The following SIL1 variants were observed in gnomAD, a reference collection of about 807,000 sequenced individuals.
SIL1 encodes nucleotide exchange factor SIL1.
Under a neutral mutation model 49.1 loss-of-function variants are expected in SIL1, and 40 were observed. That is an observed-to-expected ratio of 0.81 (90% CI 0.63 to 1.06). SIL1 has a LOEUF of 1.06. SIL1 is among the 50% of genes least tolerant of loss of function. The pLI is 0.00. For missense variants in SIL1, 500 were observed against 572.6 expected, an observed-to-expected ratio of 0.87 and a Z score of 1.29; for synonymous variants, 253 against 250.8, an observed-to-expected ratio of 1.01 and a Z score of -0.08.
At chr5:139,106,069 C>T (rs1770703995) in intron 3 of SIL1, among the ~76,000 whole-genome samples, 1 of 152,180 alleles carries the variant, frequency 6.6e-6, no homozygotes, top group South Asian at 2.1e-4. Context: ...GTGCAGGATT[C>T]TCAGGACTCA....
Position 138,948,049 on chromosome 5 carries a change from G to T in SIL1, c.1030-576C>A, listed in dbSNP as rs1465503671. On this transcript the variant is annotated intron_variant, in intron 9 of 9. Transcript: ENST00000394817. This position sits in a 1 kb window ranked among gnomAD's most constrained non-coding sequence, Gnocchi z 4.8. ...GGTTACCTGAAGGTCAGAGGTAGAG[G>T]GTTGGGAGGGGGCAGAGATCTCCCG... Among the ~76,000 whole-genome samples the T allele has an allele frequency of 6.6e-6, 1 of 152,210 alleles. No homozygotes were observed. The highest frequency in any genetic ancestry group is 2.4e-5 in the African/African-American group (1 of 41,456).
At chr5:139,137,787 A>G (rs771325974) in intron 1 of SIL1, among the ~76,000 whole-genome samples, 15 of 149,262 alleles carry the variant, frequency 1.0e-4, no homozygotes, top group Non-Finnish European at 1.5e-4. Flanking sequence ...AAAACTGGCT[A>G]GCCATATGTA....
At chr5:139,040,498 C>CTTTTTTTTTTTTTTTTTTTTTT (rs11312366) in intron 5 of SIL1, among the ~76,000 whole-genome samples, 1 of 105,328 alleles carries the variant, frequency 9.5e-6, no homozygotes, top group African/African-American at 3.6e-5. Flanking sequence ...TTTCTTTTTT[C>CTTTTTTTTTTTTTTTTTTTTTT]TTTTTTTTTT....
chr5:139,032,314 A>C (rs1768811585), intron 5 of SIL1, among the ~76,000 whole-genome samples: 2 of 152,344 alleles, frequency 1.3e-5, no homozygotes, highest in South Asian at 4.1e-4. Flanking sequence ...GTATTAACTG[A>C]CATAAGATGA....
intron 1 of SIL1, among the ~76,000 whole-genome samples, chr5:139,183,235 G>A (rs1752023383): frequency 6.6e-6 from 1 of 152,164 alleles, no homozygotes; most frequent in South Asian, 2.1e-4. Flanking sequence ...GTTCTCCTCA[G>A]AAATTACAAA....
chr5:139,072,536 T>C (rs1014462167), intron 3 of SIL1, among the ~76,000 whole-genome samples: 1 of 152,178 alleles, frequency 6.6e-6, no homozygotes, highest in African/African-American at 2.4e-5. Flanking sequence ...GGTATATTTG[T>C]CATATACCAT....
intron 3 of SIL1, among the ~76,000 whole-genome samples, chr5:139,101,344 A>G (rs1770583514): frequency 6.6e-6 from 1 of 152,090 alleles, no homozygotes; most frequent in Non-Finnish European, 1.5e-5. Context: ...CCAAGCCCCA[A>G]TTAATCTCCT....
chr5:138,951,984 G>A, intron 7 of SIL1, 100 bp from the exon 8 acceptor site: 2 of 1,065,580 alleles, frequency 1.9e-6, no homozygotes, highest in Non-Finnish European at 2.9e-6. Flanking sequence ...GGAGAAACAA[G>A]AACAACAGAG....
At chr5:138,965,250 G>C (rs1315644883) in intron 7 of SIL1, among the ~76,000 whole-genome samples, 1 of 152,200 alleles carries the variant, frequency 6.6e-6, no homozygotes, top group East Asian at 1.9e-4. Context: ...CTCAAATCGG[G>C]TGTTAGAAAT....
At chr5:139,026,742 AG>A in intron 6 of SIL1, 58 bp downstream of exon 6, 1 of 1,468,762 alleles carries the variant, frequency 6.8e-7, no homozygotes, top group East Asian at 2.3e-5. Flanking sequence ...GGCTTAGGGA[AG>A]GGGGATTTAT....
At chr5:139,048,955 G>A (rs1769229369) in intron 4 of SIL1, among the ~76,000 whole-genome samples, 1 of 152,180 alleles carries the variant, frequency 6.6e-6, no homozygotes, top group African/African-American at 2.4e-5. Context: ...GTGACTGTAA[G>A]GAGAACAAAT....
chr5:138,948,546 G>A lies in SIL1; in HGVS notation c.1030-1073C>T, dbSNP rs758124553. On this transcript the variant is annotated intron_variant, in intron 9 of 9. Transcript: ENST00000394817. This position sits in a 1 kb window ranked among gnomAD's most constrained non-coding sequence, Gnocchi z 4.8. ...TGCAGGCTCTGCCCCCACTGTGCGC[G>A]GCCTGGACCCACTCACACCCACTCC... Among the ~76,000 whole-genome samples, 16 of 152,054 alleles carry A rather than the reference G, an allele frequency of 1.1e-4. No individual in the cohort carries two copies. The highest frequency in any genetic ancestry group is 1.9e-4 in the Non-Finnish European group (13 of 68,002).
chr5:139,092,184 C>A (rs1770357087), intron 3 of SIL1, among the ~76,000 whole-genome samples: 1 of 152,146 alleles, frequency 6.6e-6, no homozygotes, highest in African/African-American at 2.4e-5. Flanking sequence ...TTCAGATTTA[C>A]CCTAAAGAAT....
intron 7 of SIL1, among the ~76,000 whole-genome samples, chr5:139,001,310 T>C (rs1204230029): frequency 6.6e-6 from 1 of 152,188 alleles, no homozygotes; most frequent in African/African-American, 2.4e-5. Flanking sequence ...CATTATCTAG[T>C]GGTACTGAAA....
chr5:139,173,061 A>G (rs1751806908), intron 1 of SIL1, among the ~76,000 whole-genome samples: 1 of 152,218 alleles, frequency 6.6e-6, no homozygotes, highest in Admixed American at 6.5e-5. Flanking sequence ...TTATGTTTTT[A>G]GACACACAAC....
At chr5:139,125,598 T>C (rs755655370) in intron 2 of SIL1, among the ~76,000 whole-genome samples, 4 of 152,308 alleles carry the variant, frequency 2.6e-5, no homozygotes, top group African/African-American at 7.2e-5. Context: ...TTATTGGCCA[T>C]ATTGTGCCAG....
chr5:139,030,343 AG>A, intron 5 of SIL1, among the ~76,000 whole-genome samples: 1 of 151,920 alleles, frequency 6.6e-6, no homozygotes, highest in South Asian at 2.1e-4. Context: ...AAAAATGACC[AG>A]GCATGGTGAC....
intron 7 of SIL1, among the ~76,000 whole-genome samples, chr5:138,993,931 G>A (rs1767809470): frequency 6.6e-6 from 1 of 152,160 alleles, no homozygotes; most frequent in South Asian, 2.1e-4. Context: ...AAGCCACTAA[G>A]TTTGTGAGAA....
intron 7 of SIL1, among the ~76,000 whole-genome samples, chr5:138,988,174 C>A (rs556988128): frequency 1.3e-5 from 2 of 152,324 alleles, no homozygotes; most frequent in East Asian, 3.9e-4. Flanking sequence ...AAAGACAAAG[C>A]ATTTGGGCCT....
Sources: gnomAD v4.1 joint callset for allele counts (sites outside exome capture counted in the v4.1 genomes callset) on GRCh38, gnomAD v4.1.1 for gene constraint, Gnocchi (gnomAD v3.1) non-coding constraint, MANE v1.5 for transcripts, NCBI Gene and HGNC (gene_info 2026-07-23, HGNC 2026-07-21) for gene names.